FBLN5: variants seen among roughly 807,000 people sequenced by gnomAD.
The protein encoded by FBLN5 is fibulin-5.
In FBLN5, 24 loss-of-function variants were observed where a neutral mutation model predicts 61.6. The observed-to-expected ratio is 0.39, with a 90% CI of 0.28 to 0.55. The LOEUF (loss-of-function observed/expected upper bound fraction) is 0.55. FBLN5 is among the 20% of genes least tolerant of loss of function. The pLI, the probability that FBLN5 is intolerant of heterozygous loss-of-function variation, is 0.65. For synonymous variants in FBLN5, 213 were observed against 219.8 expected (o/e 0.97, Z 0.27); for missense variants, 470 against 594.1 (o/e 0.79, Z 2.17).
At chr14:91,872,321 T>G (rs1223188555) in intron 10 of FBLN5, among the ~76,000 whole-genome samples, 3 of 152,162 alleles carry the variant, frequency 2.0e-5, no homozygotes, top group African/African-American at 7.2e-5. Context: ...AGCACCCACC[T>G]AATGAGAGAT....
At chr14:91,894,868 G>T in intron 5 of FBLN5, 82 bp downstream of exon 5, 1 of 1,034,162 alleles carries the variant, frequency 9.7e-7, no homozygotes, top group Non-Finnish European at 1.4e-6. Flanking sequence ...CCCTCAGGCA[G>T]CCAGCTATGC....
intron 3 of FBLN5, among the ~76,000 whole-genome samples, chr14:91,938,664 G>A (rs1031499161): frequency 6.6e-6 from 1 of 152,094 alleles, no homozygotes; most frequent in African/African-American, 2.4e-5. Context: ...TACAGACAGG[G>A]GAGGCCTGAA....
intron 4 of FBLN5, among the ~76,000 whole-genome samples, chr14:91,933,928 G>A (rs1472085359): frequency 6.6e-6 from 1 of 152,066 alleles, no homozygotes; most frequent in African/African-American, 2.4e-5. Flanking sequence ...TGGGCAACAT[G>A]GCAAAACCCT....
chr14:91,878,061 G>C lies in FBLN5; in HGVS notation c.990-379C>G, dbSNP rs1234697006. ...TCAAAAAAACAAAACAAAAAAAAAG[G>C]AAGAAAGAAAGAAATTTTTAAAGTA... On this transcript the variant is annotated intron_variant, in intron 9 of 10. Transcript: ENST00000342058. 1.2e-5 allele frequency: 5 copies of C among 414,660 alleles called. No individual in the cohort carries two copies. In the Admixed American group the frequency reaches 1.7e-4, roughly 14 times the overall value. 25.7% of individuals were successfully genotyped at this position (414,660 alleles called of 1,614,324 possible).
At chr14:91,940,703 G>A (rs1313975809) in intron 2 of FBLN5, 87 bp from the exon 3 acceptor site, 3 of 1,172,466 alleles carry the variant, frequency 2.6e-6, no homozygotes, top group Admixed American at 1.9e-5. Flanking sequence ...TGGGGAAATG[G>A]AGCAAAAAAG....
At chr14:91,938,838 T>G (rs2056062318) in intron 3 of FBLN5, among the ~76,000 whole-genome samples, 1 of 152,088 alleles carries the variant, frequency 6.6e-6, no homozygotes, top group Non-Finnish European at 1.5e-5. Context: ...CTACCAGAGG[T>G]AAAAGCAATG....
At chr14:91,937,911 C>A (rs2056046040) in intron 3 of FBLN5, among the ~76,000 whole-genome samples, 1 of 152,048 alleles carries the variant, frequency 6.6e-6, no homozygotes, top group East Asian at 1.9e-4. Context: ...ATTTGAAGCC[C>A]AAATAAATGT....
intron 3 of FBLN5, 51 bp downstream of exon 3, chr14:91,940,514 C>T (rs1430869002): frequency 1.4e-6 from 2 of 1,416,518 alleles, no homozygotes; most frequent in Admixed American, 3.3e-5. Flanking sequence ...AATAGCACTG[C>T]AACTGGGCTG....
chr14:91,916,236 A>G (rs2140015772), intron 4 of FBLN5, among the ~76,000 whole-genome samples: 1 of 152,288 alleles, frequency 6.6e-6, no homozygotes, highest in South Asian at 2.1e-4. Context: ...ACTTGAGGCC[A>G]GGAGTTTGAG....
At position 91,937,087 on chromosome 14, in the gene FBLN5, T is replaced by C; in HGVS notation, c.239A>G (p.Tyr80Cys). 1 of 1,613,840 alleles carries C rather than the reference T, an allele frequency of 6.2e-7. No homozygotes were observed. The highest frequency in any genetic ancestry group is 1.6e-4 in the Middle Eastern group (1 of 6,062). The change falls in exon 4 of 11, where the codon TAC (tyrosine) becomes TGC (cysteine). Residue 80 changes from tyrosine (Y) to cysteine (C), a missense_variant. Physicochemically the swap from Tyr to Cys is radical, Grantham distance 194. Coordinates refer to ENST00000342058, the MANE Select transcript of FBLN5 (RefSeq NM_006329.4). The part of the protein sequence containing the change: ...PRTNPVYRGP[Y>C]SNPYSTPYSG... ...GTAGGGGGTCGAGTAGGGGTTCGAGTAGGGCCCTCGATACACAGGGTTTGT... is the reference window on the plus strand; with the variant it reads ...GTAGGGGGTCGAGTAGGGGTTCGAGCAGGGCCCTCGATACACAGGGTTTGT...
intron 4 of FBLN5, among the ~76,000 whole-genome samples, chr14:91,936,591 G>A (rs912510619): frequency 4.6e-5 from 7 of 152,182 alleles, no homozygotes; most frequent in African/African-American, 1.4e-4. Context: ...TTTACTTACT[G>A]TAATAAGTCT....
At chr14:91,940,266 A>T (rs931892128) in intron 3 of FBLN5, among the ~76,000 whole-genome samples, 1 of 152,164 alleles carries the variant, frequency 6.6e-6, no homozygotes, top group Non-Finnish European at 1.5e-5. Context: ...AAAATCATAC[A>T]CTGGTGTTGT....
chr14:91,893,670 T>A (rs1443311054), intron 5 of FBLN5, among the ~76,000 whole-genome samples: 2 of 152,182 alleles, frequency 1.3e-5, no homozygotes, highest in East Asian at 3.9e-4. Context: ...GAGTTTGCTG[T>A]GAATTCACTC....
intron 3 of FBLN5, 81 bp from the exon 4 acceptor site, chr14:91,937,282 C>G: frequency 6.3e-7 from 1 of 1,583,482 alleles, no homozygotes; most frequent in Non-Finnish European, 8.6e-7. Flanking sequence ...AACTCGGTAC[C>G]AGGCGTGGAG....
chr14:91,947,267 G>A lies in FBLN5; in HGVS notation c.-38C>T. 1.2e-6 allele frequency: 2 copies of A among 1,614,004 alleles called. No individual in the cohort carries two copies. Among genetic ancestry groups the A allele is most frequent in the Non-Finnish European group, 1.7e-6 (2 of 1,179,946 alleles). ...CGAGGAGGAGATGCGAAGGCGAGAA[G>A]AAAGCTCGCGGGCGGGACCCCCGGA... On this transcript the variant is annotated 5_prime_UTR_variant, in exon 1 of 11. Coordinates refer to ENST00000342058, the MANE Select transcript of FBLN5 (RefSeq NM_006329.4). The surrounding 1 kb of genome is among the most constrained non-coding windows in gnomAD (Gnocchi z 4.3).
chr14:91,870,696 A>G (rs1888882073), intron 10 of FBLN5, among the ~76,000 whole-genome samples: 1 of 152,164 alleles, frequency 6.6e-6, no homozygotes, highest in African/African-American at 2.4e-5. Flanking sequence ...ACCATGTATG[A>G]TTGTCCATAC....
At chr14:91,933,922 C>A (rs1595344946) in intron 4 of FBLN5, among the ~76,000 whole-genome samples, 1 of 152,066 alleles carries the variant, frequency 6.6e-6, no homozygotes, top group South Asian at 2.1e-4. Context: ...CCAGCCTGGG[C>A]AACATGGCAA....
Position 91,947,613 on chromosome 14 carries a change from C to T in FBLN5, c.-384G>A. ...TAGACTCCTCACAACAATCTTGGGG[C>T]GTCTGCCAGGGCCCAGTGCTCGGCG... On this transcript the variant is annotated 5_prime_UTR_variant, in exon 1 of 11. Coordinates refer to ENST00000342058, the MANE Select transcript of FBLN5 (RefSeq NM_006329.4). This position sits in a 1 kb window ranked among gnomAD's most constrained non-coding sequence, Gnocchi z 4.3. 4.0e-6 allele frequency: 1 copy of T among 252,996 alleles called. No homozygotes were observed. Among genetic ancestry groups the T allele is most frequent in the Admixed American group, 4.9e-5 (1 of 20,560 alleles). 15.7% of individuals were successfully genotyped at this position (252,996 alleles called of 1,614,324 possible).
At chr14:91,931,005 C>T in intron 4 of FBLN5, among the ~76,000 whole-genome samples, 1 of 152,212 alleles carries the variant, frequency 6.6e-6, no homozygotes, top group East Asian at 1.9e-4. Flanking sequence ...ACAAATCTTT[C>T]CCAGTTAACG....
Sources: allele counts gnomAD v4.1 joint callset (sites outside exome capture counted in the v4.1 genomes callset), GRCh38; gene constraint gnomAD v4.1.1; non-coding constraint Gnocchi (gnomAD v3.1); transcripts MANE v1.5; gene names NCBI Gene and HGNC (gene_info 2026-07-23, HGNC 2026-07-21).